Variants in SEC61A2 observed in about 807,000 individuals in gnomAD.
SEC61A2 encodes protein transport protein Sec61 subunit alpha isoform 2.
SEC61A2 carries 28 observed loss-of-function variants against 59.9 expected under a neutral mutation model. That is an observed-to-expected ratio of 0.47 (90% confidence interval 0.35 to 0.64). The LOEUF (loss-of-function observed/expected upper bound fraction) is 0.64, where lower values mean the gene tolerates loss of function less well. Among genes scored for constraint, SEC61A2 ranks in the 30% least tolerant of loss-of-function variants. The probability of loss-of-function intolerance (pLI) is 0.01; values close to 1 mark genes in which losing one functional copy is unlikely to be tolerated. For missense variants in SEC61A2, 340 were observed against 585.9 expected, an observed-to-expected ratio of 0.58 and a Z score of 4.33; for synonymous variants, 202 against 214.4, an observed-to-expected ratio of 0.94 and a Z score of 0.50.
At position 12,154,504 on chromosome 10, in the gene SEC61A2, G is replaced by C. The variant is rs1353515947; in HGVS notation, c.463-1274G>C. Among the ~76,000 whole-genome samples, 4 of 152,144 alleles carry C rather than the reference G, an allele frequency of 2.6e-5. No homozygotes were observed. Among genetic ancestry groups the C allele is most frequent in the Non-Finnish European group, 5.9e-5 (4 of 68,030 alleles). The stretch of plus-strand genomic sequence containing the variant: ...GGTTTCTCTATGATGGGGAGTCTCT[G>C]TTCACTAATTACATGATTGTGGTTA... On this transcript the variant is annotated intron_variant, in intron 6 of 11. Coordinates refer to ENST00000298428, the MANE Select transcript of SEC61A2 (RefSeq NM_018144.4). This position sits in a 1 kb window ranked among gnomAD's most constrained non-coding sequence, Gnocchi z 5.2.
chr10:12,165,040 C>T lies in SEC61A2; in HGVS notation c.*586C>T, dbSNP rs2063270669. ...TTTCTGCCACAACTGCTTCTAAGGC[C>T]TCCTCCTTCTCCTCCTCCTCTTCCT... On this transcript the variant is annotated 3_prime_UTR_variant, in exon 12 of 12. Transcript: ENST00000298428. 12 of 986,050 alleles carry T rather than the reference C, an allele frequency of 1.2e-5. No individual in the cohort carries two copies. Among genetic ancestry groups the T allele is most frequent in the Non-Finnish European group, 1.3e-5 (11 of 830,388 alleles). 61.1% of individuals were successfully genotyped at this position (986,050 alleles called of 1,614,324 possible). A position where few individuals can be genotyped will look rare whatever the true frequency, so the allele number is the denominator to read the frequency against.
In SEC61A2 at chr10:12,161,066, C is replaced by A; in HGVS notation, c.1112C>A (p.Ser371Ter). The change falls in exon 10 of 12, where the codon TCA (serine) becomes TAA (stop). Residue 371 changes from serine to a stop codon, truncating the protein, a stop_gained. Coordinates refer to ENST00000298428, the MANE Select transcript of SEC61A2 (RefSeq NM_018144.4). LOFTEE classifies it high-confidence loss of function. The surrounding 1 kb of genome is among the most constrained non-coding windows in gnomAD (Gnocchi z 5.4). ...GTTTATATCATCTTCATGTTGGGGT[C>A]ATGTGCATTCTTCTCTAAGACATGG... Reference protein sequence around the residue: ...VVVYIIFMLGSCAFFSKTWIE... With the variant: ...VVVYIIFMLG The A allele has an allele frequency of 6.2e-7, 1 of 1,613,948 alleles. No individual in the cohort carries two copies. The highest frequency in any genetic ancestry group is 8.5e-7 in the Non-Finnish European group (1 of 1,179,894).
chr10:12,155,412 G>T lies in SEC61A2; in HGVS notation c.463-366G>T, dbSNP rs184827723. ...ACTTTTTACTTCCTTGGAGGTATTTGGGATGTTTTCAGTTTCTTGCTGTCA... is the reference window on the plus strand; with the variant it reads ...ACTTTTTACTTCCTTGGAGGTATTTTGGATGTTTTCAGTTTCTTGCTGTCA... On this transcript the variant is annotated intron_variant, in intron 6 of 11. Transcript: ENST00000298428. The surrounding 1 kb of genome is among the most constrained non-coding windows in gnomAD (Gnocchi z 4.3). The T allele has an allele frequency of 3.5e-6, 5 of 1,431,804 alleles. No individual in the cohort carries two copies. In the African/African-American group the frequency reaches 5.7e-5, roughly 16 times the overall value. The allele number at this position is 1,431,804 out of a possible 1,614,324, so 88.7% of individuals were successfully genotyped here. A position where few individuals can be genotyped will look rare whatever the true frequency, so the allele number is the denominator to read the frequency against.
chr10:12,150,056 T>G (rs1014699291), intron 6 of SEC61A2, 95 bp downstream of exon 6: 10 of 824,448 alleles, frequency 1.2e-5, no homozygotes, highest in Non-Finnish European at 1.5e-5. Context: ...TTATTCATTT[T>G]CTTACTTTTG....
chr10:12,141,695 T>C (rs185871981), intron 3 of SEC61A2, among the ~76,000 whole-genome samples: 1 of 152,350 alleles, frequency 6.6e-6, no homozygotes, highest in African/African-American at 2.4e-5. Flanking sequence ...ATAGTTTATA[T>C]ATACACTTTC....
downstream of SEC61A2, chr10:12,167,573 ATCTGT>A (rs1316313209): frequency 1.4e-5 from 12 of 838,494 alleles, no homozygotes; most frequent in African/African-American, 1.7e-4. Context: ...CCACCACCAC[ATCTGT>A]TCTGTGCTTT....
rs775296107 is a variant in SEC61A2 at position 12,155,446 on chromosome 10, A to T, written c.463-332A>T. On this transcript the variant is annotated intron_variant, in intron 6 of 11. Coordinates refer to ENST00000298428, the MANE Select transcript of SEC61A2 (RefSeq NM_018144.4). The surrounding 1 kb of genome is among the most constrained non-coding windows in gnomAD (Gnocchi z 4.3). ...TCAGTTTCTTGCTGTCATAAATTCT[A>T]GAATACTGTGATCATTTTTTGTTTC... is the stretch of plus-strand genomic sequence containing the variant. 8.8e-7 allele frequency: 1 copy of T among 1,130,546 alleles called. No homozygotes were observed. Among genetic ancestry groups the T allele is most frequent in the Non-Finnish European group, 1.2e-6 (1 of 810,540 alleles). 70.0% of individuals were successfully genotyped at this position (1,130,546 alleles called of 1,614,324 possible). A position where few individuals can be genotyped will look rare whatever the true frequency, so the allele number is the denominator to read the frequency against.
chr10:12,167,692 A>G (rs1249574005), downstream of SEC61A2: 2 of 1,613,720 alleles, frequency 1.2e-6, no homozygotes, highest in Admixed American at 3.3e-5. Flanking sequence ...GGCCAGTGTC[A>G]TATTTGGGCT....
In SEC61A2 at chr10:12,154,972, C is replaced by T. The variant is rs925612365; in HGVS notation, c.463-806C>T. ...CTGTCTTGATTAGGTTATTTGAGTG[C>T]AGGGAAGGGGTCATATGACTGAGGA... On this transcript the variant is annotated intron_variant, in intron 6 of 11. Transcript: ENST00000298428. The surrounding 1 kb of genome is among the most constrained non-coding windows in gnomAD (Gnocchi z 5.2). Among the ~76,000 whole-genome samples the T allele has an allele frequency of 6.6e-6, 1 of 151,962 alleles. No homozygotes were observed. The highest frequency in any genetic ancestry group is 1.5e-5 in the Non-Finnish European group (1 of 68,004).
At chr10:12,134,073 C>G (rs971703202) in intron 2 of SEC61A2, among the ~76,000 whole-genome samples, 1 of 152,256 alleles carries the variant, frequency 6.6e-6, no homozygotes, top group Non-Finnish European at 1.5e-5. Context: ...GTGGCGCCAT[C>G]AAGGCTCACT....
rs990054421 is a variant in SEC61A2 at position 12,162,605 on chromosome 10, C to T, written c.1244+316C>T. Among the ~76,000 whole-genome samples the T allele has an allele frequency of 6.6e-6, 1 of 152,194 alleles. No individual in the cohort carries two copies. Among genetic ancestry groups the T allele is most frequent in the Non-Finnish European group, 1.5e-5 (1 of 68,040 alleles). On this transcript the variant is annotated intron_variant, in intron 11 of 11. Coordinates refer to ENST00000298428, the MANE Select transcript of SEC61A2 (RefSeq NM_018144.4). The surrounding 1 kb of genome is among the most constrained non-coding windows in gnomAD (Gnocchi z 6.1). ...TCCCAGGAACTGTGGCTTATTTGGT[C>T]TGGGGTGAGTTCCAGGCATCAGGGT...
Position 12,156,996 on chromosome 10 carries a change from C to T in SEC61A2, c.706C>T (p.Arg236Trp). 5 of 1,614,046 alleles carry T rather than the reference C, an allele frequency of 3.1e-6. No individual in the cohort carries two copies. The highest frequency in any genetic ancestry group is 3.4e-6 in the Non-Finnish European group (4 of 1,179,942). ...CCGAGCTTTACGGGAGGCTTTTTAT[C>T]GGCAGAACTTACCCAATCTCATGAA... ...KVRALREAFYRQNLPNLMNLI... is the reference protein window; with the variant it reads ...KVRALREAFYWQNLPNLMNLI... The change falls in exon 8 of 12, where the codon CGG becomes TGG. Residue 236 changes from arginine (R) to tryptophan (W), a missense_variant. Physicochemically the swap from Arg to Trp is moderately radical, Grantham distance 101 (BLOSUM62 -3). This residue lies in a region of SEC61A2 where 283 missense variants were observed against 483.2 expected (regional missense o/e 0.59). Coordinates refer to ENST00000298428, the MANE Select transcript of SEC61A2 (RefSeq NM_018144.4). This position sits in a 1 kb window ranked among gnomAD's most constrained non-coding sequence, Gnocchi z 5.2.
In SEC61A2 at chr10:12,149,558, A is replaced by G; in HGVS notation, c.221-37A>G. On this transcript the variant is annotated intron_variant, in intron 4 of 11. Coordinates refer to ENST00000298428, the MANE Select transcript of SEC61A2 (RefSeq NM_018144.4). This position sits in a 1 kb window ranked among gnomAD's most constrained non-coding sequence, Gnocchi z 5.2. Reference sequence around the variant, plus strand: ...CTCTAAATCAGTTTGTATCGTGTACAGCAAACATTGCACACTTCTCTCCCC... The same window carrying G: ...CTCTAAATCAGTTTGTATCGTGTACGGCAAACATTGCACACTTCTCTCCCC... The G allele has an allele frequency of 1.9e-6, 3 of 1,566,692 alleles. No homozygotes were observed. Among genetic ancestry groups the G allele is most frequent in the South Asian group, 1.2e-5 (1 of 82,040 alleles).
Position 12,162,177 on chromosome 10 carries a change from C to G in SEC61A2, c.1168-36C>G. On this transcript the variant is annotated intron_variant, in intron 10 of 11. Transcript: ENST00000298428. The surrounding 1 kb of genome is among the most constrained non-coding windows in gnomAD (Gnocchi z 6.1). ...TGGTAGATGTAAGCAGTGAAATGTT[C>G]CAGTTGGATTTTGAAAGTCGTTTTT... The G allele has an allele frequency of 6.4e-7, 1 of 1,560,754 alleles. No individual in the cohort carries two copies.
downstream of SEC61A2, chr10:12,169,356 TGC>T: frequency 6.8e-7 from 1 of 1,464,630 alleles, no homozygotes; most frequent in Non-Finnish European, 9.3e-7. This position sits in a 1 kb window ranked among gnomAD's most constrained non-coding sequence, Gnocchi z 4.8. Context: ...ATTTCACACT[TGC>T]CTACGTCACC....
chr10:12,151,056 T>A (rs1046207436), intron 6 of SEC61A2, among the ~76,000 whole-genome samples: 1 of 151,424 alleles, frequency 6.6e-6, no homozygotes, highest in African/African-American at 2.5e-5. Flanking sequence ...ATTACAGGCG[T>A]GAGCCACTGC....
At chr10:12,137,658 A>G (rs1404539231) in intron 3 of SEC61A2, among the ~76,000 whole-genome samples, 3 of 152,194 alleles carry the variant, frequency 2.0e-5, no homozygotes, top group Non-Finnish European at 4.4e-5. Context: ...CAGTGTGAGT[A>G]TAAAATGTGG....
chr10:12,139,273 C>T (rs1247821512), intron 3 of SEC61A2, among the ~76,000 whole-genome samples: 1 of 151,760 alleles, frequency 6.6e-6, no homozygotes, highest in Non-Finnish European at 1.5e-5. Context: ...TCGGTTGCCC[C>T]ATTTTGTATT....
chr10:12,129,761 TC>T lies in SEC61A2; in HGVS notation c.-22del, dbSNP rs1292249854. On this transcript the variant is annotated 5_prime_UTR_variant, in exon 1 of 12. Coordinates refer to ENST00000298428, the MANE Select transcript of SEC61A2 (RefSeq NM_018144.4). The surrounding 1 kb of genome is among the most constrained non-coding windows in gnomAD (Gnocchi z 5.6). Reference sequence around the variant, plus strand: ...CGAAGGCAGCGCCGAGGCCGCGGTTTCCCCCTGGGCCTCCCCAGCAGCAGCC... The same window carrying T: ...CGAAGGCAGCGCCGAGGCCGCGGTTTCCCCTGGGCCTCCCCAGCAGCAGCC... 4.7e-6 allele frequency: 7 copies of T among 1,488,916 alleles called. No individual in the cohort carries two copies. The highest frequency in any genetic ancestry group is 2.9e-5 in the African/African-American group (2 of 69,172). 92.2% of individuals were successfully genotyped at this position (1,488,916 alleles called of 1,614,324 possible).
Sources: allele counts gnomAD v4.1 joint callset (sites outside exome capture counted in the v4.1 genomes callset), GRCh38; gene constraint gnomAD v4.1.1; regional missense constraint gnomAD v4.1.1; non-coding constraint Gnocchi (gnomAD v3.1); transcripts MANE v1.5; gene names NCBI Gene and HGNC (gene_info 2026-07-23, HGNC 2026-07-21).